Variants in TBCA observed in about 807,000 individuals in gnomAD.
TBCA encodes the protein tubulin folding cofactor A, also known as tubulin-specific chaperone A.
A neutral mutation model predicts 15.8 loss-of-function variants in TBCA; 6 were observed. The ratio of observed to expected loss-of-function variants is 0.38; its 90% CI spans 0.21 to 0.75. TBCA has a LOEUF of 0.75. Ranked by LOEUF, TBCA falls within the 30% of genes least tolerant of loss-of-function variation. TBCA has a pLI of 0.46. For missense variants in TBCA, 90 were observed against 131.2 expected (o/e 0.69, Z 1.53); for synonymous variants, 32 against 42.3 (o/e 0.76, Z 0.94).
intron 1 of TBCA, among the ~76,000 whole-genome samples, chr5:77,738,356 T>C (rs1746956348): frequency 6.6e-6 from 1 of 152,232 alleles, no homozygotes; most frequent in African/African-American, 2.4e-5. Context: ...ACCTTTGCTA[T>C]ATATATGGCC....
chr5:77,718,771 A>C (rs1746464592), intron 1 of TBCA, among the ~76,000 whole-genome samples: 1 of 152,226 alleles, frequency 6.6e-6, no homozygotes, highest in South Asian at 2.1e-4. Flanking sequence ...TGCTACCCAG[A>C]AACACATAAA....
At chr5:77,719,584 T>C (rs976265804) in intron 1 of TBCA, among the ~76,000 whole-genome samples, 1 of 152,250 alleles carries the variant, frequency 6.6e-6, no homozygotes, top group African/African-American at 2.4e-5. Context: ...CAAGTTTTAT[T>C]AATTGCTGAA....
chr5:77,711,386 A>G (rs776133606), intron 1 of TBCA, among the ~76,000 whole-genome samples: 3 of 152,168 alleles, frequency 2.0e-5, no homozygotes, highest in Non-Finnish European at 2.9e-5. Flanking sequence ...AATTCTGTCC[A>G]TCACCTACTT....
chr5:77,767,968 A>G (rs2112516586), intron 1 of TBCA, among the ~76,000 whole-genome samples: 1 of 152,300 alleles, frequency 6.6e-6, no homozygotes, highest in East Asian at 1.9e-4. Flanking sequence ...AATGGGATTA[A>G]GGCCCTTATA....
At chr5:77,736,364 G>GA (rs1365877916) in intron 1 of TBCA, among the ~76,000 whole-genome samples, 3 of 150,378 alleles carry the variant, frequency 2.0e-5, no homozygotes, top group South Asian at 2.1e-4. Context: ...AATCTAGCTG[G>GA]AAAAAAATCA....
At chr5:77,694,704 T>C (rs1745834866) in intron 2 of TBCA, among the ~76,000 whole-genome samples, 1 of 152,172 alleles carries the variant, frequency 6.6e-6, no homozygotes, top group Non-Finnish European at 1.5e-5. Context: ...TTAACGGTAA[T>C]AATACTATAT....
chr5:77,768,574 C>T (rs1048321485), intron 1 of TBCA, among the ~76,000 whole-genome samples: 2 of 152,102 alleles, frequency 1.3e-5, no homozygotes, highest in African/African-American at 4.8e-5. Context: ...GGTTCAAAAT[C>T]CTTATAAAGG....
In TBCA at chr5:77,714,724, G is replaced by A. The variant is rs534636772; in HGVS notation, c.54-6377C>T. On this transcript the variant is annotated intron_variant, in intron 1 of 3. Transcript: ENST00000380377. ...TGGGACTACAGGCACCTGCCACCAC[G>A]GCCAGCTAATTTTTTGTATTTCTAG... 1.3e-4 allele frequency among the ~76,000 whole-genome samples: 19 copies of A among 151,918 alleles called. 1 individual carries two copies. The highest frequency in any genetic ancestry group is 1.9e-4 in the Non-Finnish European group (13 of 67,938).
intron 1 of TBCA, among the ~76,000 whole-genome samples, chr5:77,763,454 A>C (rs1697896): frequency 0.44 from 66,986 of 151,912 alleles, 14,949 homozygotes; most frequent in East Asian, 0.53. Context: ...CTGGCATTGC[A>C]AGCGACTAAA....
At chr5:77,717,372 G>A (rs1375878033) in intron 1 of TBCA, among the ~76,000 whole-genome samples, 1 of 152,160 alleles carries the variant, frequency 6.6e-6, no homozygotes, top group Non-Finnish European at 1.5e-5. Flanking sequence ...TTTAGAAATT[G>A]AAGTATCTCT....
At chr5:77,747,803 A>G (rs1375680916) in intron 1 of TBCA, among the ~76,000 whole-genome samples, 1 of 152,124 alleles carries the variant, frequency 6.6e-6, no homozygotes, top group African/African-American at 2.4e-5. Context: ...TTTTGTTTAG[A>G]TTTTAGATTT....
At chr5:77,696,671 C>T (rs1170137986) in intron 2 of TBCA, among the ~76,000 whole-genome samples, 1 of 152,078 alleles carries the variant, frequency 6.6e-6, no homozygotes, top group Non-Finnish European at 1.5e-5. Flanking sequence ...TATATAATCC[C>T]AGCACTTTAG....
chr5:77,761,552 T>G (rs919257897), intron 1 of TBCA, among the ~76,000 whole-genome samples: 1 of 152,046 alleles, frequency 6.6e-6, no homozygotes, highest in African/African-American at 2.4e-5. Context: ...GTTCACGTGT[T>G]TATCTGCTGA....
intron 1 of TBCA, among the ~76,000 whole-genome samples, chr5:77,714,152 T>G (rs1746345393): frequency 6.6e-6 from 1 of 152,002 alleles, no homozygotes; most frequent in Non-Finnish European, 1.5e-5. Context: ...GAAACCCATC[T>G]CTACTAAAAA....
chr5:77,744,692 T>C (rs1747140149), intron 1 of TBCA, among the ~76,000 whole-genome samples: 1 of 151,920 alleles, frequency 6.6e-6, no homozygotes, highest in Non-Finnish European at 1.5e-5. Context: ...TCCACCACTA[T>C]GCACGGCTAA....
chr5:77,704,507 G>A (rs970228131), intron 2 of TBCA, among the ~76,000 whole-genome samples: 1 of 152,172 alleles, frequency 6.6e-6, no homozygotes, highest in Non-Finnish European at 1.5e-5. Context: ...GCTCAGAAGA[G>A]GAAGAAATCT....
At chr5:77,725,761 T>C (rs1248540423) in intron 1 of TBCA, among the ~76,000 whole-genome samples, 1 of 152,204 alleles carries the variant, frequency 6.6e-6, no homozygotes, top group Non-Finnish European at 1.5e-5. Flanking sequence ...CCATCAGGCA[T>C]CTTGTAATAG....
At chr5:77,722,772 A>G (rs369343077) in intron 1 of TBCA, among the ~76,000 whole-genome samples, 114 of 152,016 alleles carry the variant, frequency 7.5e-4, no homozygotes, top group African/African-American at 2.6e-3. Flanking sequence ...CTAAATTTCT[A>G]AGGTGTAGTT....
chr5:77,694,266 A>C (rs1274572155), intron 2 of TBCA: 2 of 152,212 alleles, frequency 1.3e-5, no homozygotes, highest in African/African-American at 4.8e-5. Context: ...GCTTCATTTT[A>C]GGAGAGCGAT....
Sources: gnomAD v4.1 joint callset for allele counts (sites outside exome capture counted in the v4.1 genomes callset) on GRCh38, gnomAD v4.1.1 for gene constraint, MANE v1.5 for transcripts, NCBI Gene and HGNC (gene_info 2026-07-23, HGNC 2026-07-21) for gene names.